Variants in SLX4IP observed in about 807,000 individuals in gnomAD.
The protein encoded by SLX4IP is protein SLX4IP.
In SLX4IP, 34 loss-of-function variants were observed where a neutral mutation model predicts 32.9. The ratio of observed to expected loss-of-function variants is 1.03; its 90% CI spans 0.79 to 1.38. The LOEUF (loss-of-function observed/expected upper bound fraction) is 1.38, where lower values mean the gene tolerates loss of function less well. Ranked by LOEUF, SLX4IP falls within the 40% of genes most tolerant of loss-of-function variation. The probability of loss-of-function intolerance (pLI) is 0.00; values close to 1 mark genes in which losing one functional copy is unlikely to be tolerated. For missense variants in SLX4IP, 444 were observed against 479.0 expected, an observed-to-expected ratio of 0.93 and a Z score of 0.68; for synonymous variants, 172 against 171.7, an observed-to-expected ratio of 1.00 and a Z score of -0.01.
chr20:10,453,658 A>C (rs1213266278), intron 1 of SLX4IP, among the ~76,000 whole-genome samples: 1 of 151,918 alleles, frequency 6.6e-6, no homozygotes, highest in Non-Finnish European at 1.5e-5. Context: ...ATATTTCTCC[A>C]TTTCTTTGGG....
chr20:10,542,167 A>G (rs953348050), intron 2 of SLX4IP, among the ~76,000 whole-genome samples: 1 of 152,192 alleles, frequency 6.6e-6, no homozygotes, highest in African/African-American at 2.4e-5. Context: ...GCCTATGATA[A>G]CAGTGCAATA....
intron 2 of SLX4IP, among the ~76,000 whole-genome samples, chr20:10,508,465 G>T (rs1019333041): frequency 3.3e-5 from 5 of 152,230 alleles, no homozygotes; most frequent in African/African-American, 1.2e-4. Context: ...GCTTTTGATA[G>T]AAATGATCCT....
At chr20:10,472,214 T>C (rs1482183432) in intron 2 of SLX4IP, among the ~76,000 whole-genome samples, 1 of 150,100 alleles carries the variant, frequency 6.7e-6, no homozygotes, top group East Asian at 2.0e-4. Flanking sequence ...TGTCAAACTC[T>C]ACATTTCCGT....
rs147394307 is a variant in SLX4IP, at chr20:10,470,173, A to G, written c.27+11942A>G. On this transcript the variant is annotated intron_variant, in intron 2 of 7. Coordinates refer to ENST00000334534, the MANE Select transcript of SLX4IP (RefSeq NM_001009608.3). ...GTCGAGTCTGGAAAGAAATCCTTGA[A>G]GTCATAGTTTTATTACCATTACTGC... 1.5e-3 allele frequency among the ~76,000 whole-genome samples: 233 copies of G among 152,300 alleles called. 3 individuals carry two copies. Among genetic ancestry groups the G allele is most frequent in the African/African-American group, 5.3e-3 (222 of 41,568 alleles).
chr20:10,518,496 TCCTTCC>T (rs1568720354), intron 2 of SLX4IP, among the ~76,000 whole-genome samples: 19 of 23,024 alleles, frequency 8.3e-4, no homozygotes, highest in African/African-American at 3.4e-3. Flanking sequence ...TCCTTTTCCT[TCCTTCC>T]TTCCTTCCTT....
intron 2 of SLX4IP, among the ~76,000 whole-genome samples, chr20:10,490,537 T>C (rs1158756000): frequency 6.6e-6 from 1 of 152,154 alleles, no homozygotes; most frequent in Non-Finnish European, 1.5e-5. Context: ...GGTCACTCAG[T>C]TAGTTTGTGA....
chr20:10,601,948 C>A, intron 6 of SLX4IP, 129 bp downstream of exon 6: 3 of 732,770 alleles, frequency 4.1e-6, no homozygotes, highest in East Asian at 2.8e-5. Flanking sequence ...TTTAAGGGAA[C>A]AAGAAGCCCT....
At chr20:10,587,301 A>G (rs1321162919) in intron 4 of SLX4IP, among the ~76,000 whole-genome samples, 1 of 152,196 alleles carries the variant, frequency 6.6e-6, no homozygotes. Context: ...AAAAGCAACC[A>G]GTATTTATAA....
Position 10,449,856 on chromosome 20 carries a change from A to T in SLX4IP, c.-29-8320A>T, listed in dbSNP as rs1430649991. 2.6e-5 allele frequency among the ~76,000 whole-genome samples: 4 copies of T among 152,166 alleles called. No individual in the cohort carries two copies. In the East Asian group the frequency reaches 7.7e-4, roughly 29 times the overall value. On this transcript the variant is annotated intron_variant, in intron 1 of 7. Transcript: ENST00000334534. ...ACATGCTTTTCAGTTCCAGATCCCT[A>T]GAGATCATTTTTTTGATATTGGACT...
intron 2 of SLX4IP, among the ~76,000 whole-genome samples, chr20:10,519,837 C>A (rs1387630480): frequency 1.3e-5 from 2 of 152,174 alleles, no homozygotes; most frequent in African/African-American, 4.8e-5. Flanking sequence ...ACATTCCTAC[C>A]AGCCACGTAT....
intron 1 of SLX4IP, among the ~76,000 whole-genome samples, chr20:10,436,603 G>A (rs1157346970): frequency 6.6e-6 from 1 of 152,120 alleles, no homozygotes; most frequent in African/African-American, 2.4e-5. Flanking sequence ...TGATCCACCC[G>A]CCTTGGCCTC....
At chr20:10,467,872 G>C (rs2065393714) in intron 2 of SLX4IP, among the ~76,000 whole-genome samples, 1 of 151,916 alleles carries the variant, frequency 6.6e-6, no homozygotes, top group Admixed American at 6.6e-5. Context: ...TTTTCTAAGA[G>C]TTCTCTCTGC....
chr20:10,500,951 G>A (rs1298191936), intron 2 of SLX4IP, among the ~76,000 whole-genome samples: 2 of 152,092 alleles, frequency 1.3e-5, no homozygotes, highest in African/African-American at 4.8e-5. Context: ...ACAGATTAAG[G>A]CCATGTCTGC....
chr20:10,602,901 G>A (rs1460884808), intron 6 of SLX4IP, among the ~76,000 whole-genome samples: 4 of 152,174 alleles, frequency 2.6e-5, no homozygotes, highest in Non-Finnish European at 5.9e-5. Flanking sequence ...AGATGTCTGC[G>A]TTTGGTGCAG....
At chr20:10,560,397 C>T (rs2066319350) in intron 3 of SLX4IP, among the ~76,000 whole-genome samples, 1 of 152,206 alleles carries the variant, frequency 6.6e-6, no homozygotes, top group Non-Finnish European at 1.5e-5. Context: ...TTATTACCTC[C>T]TTGCCCTGAT....
At chr20:10,561,027 C>A (rs1396104007) in intron 4 of SLX4IP, among the ~76,000 whole-genome samples, 5 of 152,098 alleles carry the variant, frequency 3.3e-5, no homozygotes. Flanking sequence ...ATAAAAATAG[C>A]AAATAAAACA....
At chr20:10,488,670 C>T (rs1050230873) in intron 2 of SLX4IP, among the ~76,000 whole-genome samples, 1 of 152,174 alleles carries the variant, frequency 6.6e-6, no homozygotes, top group Non-Finnish European at 1.5e-5. Context: ...CCTTCCTGCT[C>T]TGACATCTGA....
intron 2 of SLX4IP, among the ~76,000 whole-genome samples, chr20:10,481,380 T>A (rs2065519911): frequency 6.6e-6 from 1 of 152,250 alleles, no homozygotes; most frequent in Non-Finnish European, 1.5e-5. Context: ...GAATCCATTG[T>A]CTGTTCCATT....
rs1317516388 is a variant in SLX4IP, at chr20:10,627,742, A to G, written c.*4363A>G. 6.6e-6 allele frequency: 1 copy of G among 152,224 alleles called. No individual in the cohort carries two copies. The highest frequency in any genetic ancestry group is 1.5e-5 in the Non-Finnish European group (1 of 68,050). The allele number at this position is 152,224 out of a possible 1,614,324, so 9.4% of individuals were successfully genotyped here. A position where few individuals can be genotyped will look rare whatever the true frequency, so the allele number is the denominator to read the frequency against. On this transcript the variant is annotated 3_prime_UTR_variant, in exon 8 of 8. Transcript: ENST00000334534. ...ATTACAGTTCCTTATCAAAAATGTT[A>G]ATTCTTTGCTTGAGCAAAAATCAAT...
Sources: gnomAD v4.1 joint callset for allele counts (sites outside exome capture counted in the v4.1 genomes callset) on GRCh38, gnomAD v4.1.1 for gene constraint, MANE v1.5 for transcripts, NCBI Gene and HGNC (gene_info 2026-07-23, HGNC 2026-07-21) for gene names.